Variants in SLC35D2 observed in about 807,000 individuals in gnomAD.
The protein encoded by SLC35D2 is nucleotide sugar transporter SLC35D2.
In SLC35D2, 43 loss-of-function variants were observed where a neutral mutation model predicts 41.8. That is an observed-to-expected ratio of 1.03 (90% CI 0.81 to 1.33). The LOEUF is 1.33. SLC35D2 is among the 40% of genes most tolerant of loss of function. The probability of loss-of-function intolerance (pLI) is 0.00; values close to 1 mark genes in which losing one functional copy is unlikely to be tolerated. For synonymous variants in SLC35D2, 150 were observed against 163.9 expected (o/e 0.92, Z 0.65); for missense variants, 380 against 408.4 (o/e 0.93, Z 0.60).
intron 1 of SLC35D2, among the ~76,000 whole-genome samples, chr9:96,375,980 G>A (rs946923183): frequency 2.0e-5 from 3 of 151,970 alleles, no homozygotes; most frequent in African/African-American, 2.4e-5. Flanking sequence ...GGCCAATATG[G>A]TGAAACCCCA....
At chr9:96,351,950 A>C in intron 5 of SLC35D2, 88 bp downstream of exon 5, 1 of 756,484 alleles carries the variant, frequency 1.3e-6, no homozygotes, top group Middle Eastern at 2.4e-4. Flanking sequence ...AAATTATTGC[A>C]ACTAGCAATG....
intron 5 of SLC35D2, 104 bp downstream of exon 5, chr9:96,351,934 G>C: frequency 1.5e-6 from 1 of 645,338 alleles, no homozygotes; most frequent in Non-Finnish European, 2.7e-6. Flanking sequence ...TAAACCATTT[G>C]TCCTTAAATT....
intron 9 of SLC35D2, among the ~76,000 whole-genome samples, chr9:96,331,968 T>C (rs1417657075): frequency 3.3e-5 from 5 of 152,182 alleles, no homozygotes; most frequent in South Asian, 2.1e-4. Flanking sequence ...CCTGCATCCA[T>C]GGAAAAATTG....
chr9:96,344,884 TG>T (rs1405264570), intron 7 of SLC35D2, among the ~76,000 whole-genome samples: 1 of 152,088 alleles, frequency 6.6e-6, no homozygotes, highest in Non-Finnish European at 1.5e-5. Context: ...ATAAGGAAAC[TG>T]AAGTTTGGAG....
chr9:96,339,822 A>G (rs1829233132), intron 8 of SLC35D2, among the ~76,000 whole-genome samples: 1 of 152,172 alleles, frequency 6.6e-6, no homozygotes, highest in South Asian at 2.1e-4. Context: ...GATAGAATTG[A>G]GGCACTGTTA....
intron 4 of SLC35D2, among the ~76,000 whole-genome samples, chr9:96,354,601 T>C (rs1355914255): frequency 2.0e-5 from 3 of 151,830 alleles, no homozygotes; most frequent in Non-Finnish European, 4.4e-5. Context: ...ACCCCACTTA[T>C]ACTAAAAATA....
intron 8 of SLC35D2, 75 bp from the exon 9 acceptor site, chr9:96,336,859 G>A (rs1829073658): frequency 3.5e-6 from 3 of 853,604 alleles, no homozygotes; most frequent in Admixed American, 4.7e-5. Flanking sequence ...TTACCAAACT[G>A]CATTTTGATA....
chr9:96,333,507 A>C (rs1003875237), intron 9 of SLC35D2, among the ~76,000 whole-genome samples: 1 of 150,506 alleles, frequency 6.6e-6, no homozygotes, highest in African/African-American at 2.4e-5. Context: ...AGGCAGGAGA[A>C]TGGCGTGAAC....
intron 2 of SLC35D2, among the ~76,000 whole-genome samples, chr9:96,368,036 G>A (rs952709684): frequency 1.3e-5 from 2 of 152,136 alleles, no homozygotes; most frequent in African/African-American, 4.8e-5. Flanking sequence ...ATTAAATTCA[G>A]TTAAGGAACT....
chr9:96,383,176 CCT>C (rs1309001789), intron 1 of SLC35D2, among the ~76,000 whole-genome samples: 1 of 152,110 alleles, frequency 6.6e-6, no homozygotes, highest in African/African-American at 2.4e-5. Flanking sequence ...CATTTGAATC[CCT>C]GTTTTCAGCT....
At chr9:96,343,865 G>A in intron 8 of SLC35D2, 39 bp downstream of exon 8, 1 of 1,341,416 alleles carries the variant, frequency 7.5e-7, no homozygotes, top group Non-Finnish European at 1.0e-6. Flanking sequence ...ATTTTTTAAA[G>A]CCAGCTAAGG....
Position 96,324,110 on chromosome 9 carries a change from G to T in SLC35D2, c.812C>A (p.Ala271Glu). ...CSYYNSALTT[A>E]VVGAIKNVSV... ...ACTCACCTTGATGGCTCCAACCACT[G>T]CTGTCGTCAGGGCTGAATTGTAATA... Residue 271 changes from alanine (A) to glutamate (E), a missense_variant, in exon 10 of 12, where the codon GCA becomes GAA. Physicochemically the swap from Ala to Glu is moderately radical, Grantham distance 107. Coordinates refer to ENST00000253270, the MANE Select transcript of SLC35D2 (RefSeq NM_007001.3). The T allele has an allele frequency of 6.2e-7, 1 of 1,613,858 alleles. No homozygotes were observed. Among genetic ancestry groups the T allele is most frequent in the Non-Finnish European group, 8.5e-7 (1 of 1,179,866 alleles).
chr9:96,365,831 T>C (rs1830451490), intron 2 of SLC35D2, among the ~76,000 whole-genome samples: 1 of 152,204 alleles, frequency 6.6e-6, no homozygotes, highest in Non-Finnish European at 1.5e-5. Flanking sequence ...TTTTAGAACT[T>C]ACTCAATTCT....
intron 11 of SLC35D2, among the ~76,000 whole-genome samples, chr9:96,315,407 T>C (rs1828026464): frequency 7.6e-6 from 1 of 130,904 alleles, no homozygotes; most frequent in African/African-American, 2.8e-5. Flanking sequence ...ATTACAGATA[T>C]GAGCTACTGT....
intron 6 of SLC35D2, among the ~76,000 whole-genome samples, chr9:96,346,228 T>C (rs758913846): frequency 1.3e-5 from 2 of 152,212 alleles, no homozygotes; most frequent in African/African-American, 2.4e-5. Context: ...CTTATTAATA[T>C]GTTCCCTGAA....
rs73538931 is a variant in SLC35D2, at chr9:96,358,704, T to G, written c.347+1450A>C. Among the ~76,000 whole-genome samples the G allele has an allele frequency of 2.4e-3, 371 of 152,244 alleles. 1 individual carries two copies. The highest frequency in any genetic ancestry group is 8.3e-3 in the African/African-American group (346 of 41,554). ...GAAAATTTGTTCTTATCGAAAAAGT[T>G]TAGGTTGGGTGTGGTGGCTCATGCC... is the stretch of plus-strand genomic sequence containing the variant. On this transcript the variant is annotated intron_variant, in intron 4 of 11. Transcript: ENST00000253270.
intron 6 of SLC35D2, among the ~76,000 whole-genome samples, chr9:96,346,118 G>A (rs1829564914): frequency 6.6e-6 from 1 of 152,154 alleles, no homozygotes; most frequent in South Asian, 2.1e-4. Flanking sequence ...CACATTGCCA[G>A]GGAGGAAAAC....
chr9:96,355,147 T>TA (rs1437675575), intron 4 of SLC35D2, among the ~76,000 whole-genome samples: 2 of 151,488 alleles, frequency 1.3e-5, no homozygotes, highest in African/African-American at 4.8e-5. Flanking sequence ...GACACCCAAG[T>TA]AGCTGGGATT....
chr9:96,333,464 G>A (rs193022973), intron 9 of SLC35D2, among the ~76,000 whole-genome samples: 31 of 151,726 alleles, frequency 2.0e-4, no homozygotes, highest in Admixed American at 1.7e-3. Flanking sequence ...CCGTGGTGGC[G>A]GGCGCCTGTA....
Sources: gnomAD v4.1 joint callset for allele counts (sites outside exome capture counted in the v4.1 genomes callset) on GRCh38, gnomAD v4.1.1 for gene constraint, MANE v1.5 for transcripts, NCBI Gene and HGNC (gene_info 2026-07-23, HGNC 2026-07-21) for gene names.